The following GCLC variants were observed in gnomAD, a reference collection of about 807,000 sequenced individuals.
GCLC encodes the protein glutamate-cysteine ligase catalytic subunit.
GCLC carries 30 observed loss-of-function variants against 81.5 expected under a neutral mutation model. That is an observed-to-expected ratio of 0.37 (90% CI 0.28 to 0.50). The LOEUF is 0.50. GCLC is among the 20% of genes least tolerant of loss of function. GCLC has a pLI of 0.96. For missense variants in GCLC, 556 were observed against 777.4 expected (o/e 0.72, Z 3.39); for synonymous variants, 262 against 273.3 (o/e 0.96, Z 0.41).
chr6:53,523,759 A>G (rs570637336), intron 1 of GCLC, among the ~76,000 whole-genome samples: 2 of 152,332 alleles, frequency 1.3e-5, no homozygotes, highest in Non-Finnish European at 2.9e-5. Context: ...GGGCTAAGTA[A>G]TATGATTATA....
chr6:53,514,407 T>C, intron 5 of GCLC, 32 bp downstream of exon 5: 1 of 1,598,306 alleles, frequency 6.3e-7, no homozygotes, highest in South Asian at 1.1e-5. Context: ...AACATGTCTC[T>C]CTCCCACCCC....
chr6:53,524,136 A>T (rs1713418147), intron 1 of GCLC, among the ~76,000 whole-genome samples: 1 of 152,244 alleles, frequency 6.6e-6, no homozygotes, highest in African/African-American at 2.4e-5. Flanking sequence ...AAGCATAATG[A>T]GAAAGGATAT....
intron 3 of GCLC, among the ~76,000 whole-genome samples, chr6:53,518,034 C>T (rs900622350): frequency 2.6e-5 from 4 of 152,266 alleles, no homozygotes; most frequent in East Asian, 1.9e-4. Flanking sequence ...TATACTACAA[C>T]AAAACTTTAT....
rs1764621904 is a variant in GCLC at position 53,506,707 on chromosome 6, G to C, written c.1197+206C>G. 1.3e-5 allele frequency: 7 copies of C among 552,214 alleles called. No individual in the cohort carries two copies. In the Admixed American group the frequency reaches 2.2e-4, roughly 18 times the overall value. 34.2% of individuals were successfully genotyped at this position (552,214 alleles called of 1,614,324 possible). A position where few individuals can be genotyped will look rare whatever the true frequency, so the allele number is the denominator to read the frequency against. On this transcript the variant is annotated intron_variant, in intron 10 of 15. Coordinates refer to ENST00000650454, the MANE Select transcript of GCLC (RefSeq NM_001498.4). This position sits in a 1 kb window ranked among gnomAD's most constrained non-coding sequence, Gnocchi z 4.0. ...ATAAACAGTAAGAATCGTAAAATAA[G>C]AGTACTTGAAACCGATTTTTTATTT...
At chr6:53,515,400 T>G (rs1438104802) in intron 4 of GCLC, among the ~76,000 whole-genome samples, 5 of 152,252 alleles carry the variant, frequency 3.3e-5, no homozygotes, top group Admixed American at 3.3e-4. Flanking sequence ...TATTTTCCTT[T>G]AAACACATGA....
Position 53,505,425 on chromosome 6 carries a change from G to T in GCLC, c.1362C>A (p.Ser454=), listed in dbSNP as rs749823587. The change falls in exon 12 of 16, where the codon TCC becomes TCA. Residue 454 remains serine (S), a synonymous_variant. Transcript: ENST00000650454. The part of the protein sequence containing the change: ...FVVLLTRVIL[S]YKLDFLIPLS... ...GTGGAATGAGAAAATCCAATTTGTA[G>T]GAAAGGATCACTCTGGTGAGCAGTA... 6.2e-7 allele frequency: 1 copy of T among 1,600,958 alleles called. No individual in the cohort carries two copies. Among genetic ancestry groups the T allele is most frequent in the East Asian group, 2.2e-5 (1 of 44,778 alleles).
At chr6:53,535,383 G>A (rs1214787181) in intron 1 of GCLC, among the ~76,000 whole-genome samples, 5 of 152,036 alleles carry the variant, frequency 3.3e-5, no homozygotes, top group African/African-American at 7.2e-5. Context: ...GCGTGGTGGC[G>A]CATGCCTGTG....
At chr6:53,509,550 A>C (rs1317758291) in intron 6 of GCLC, 6 of 476,248 alleles carry the variant, frequency 1.3e-5, no homozygotes, top group Non-Finnish European at 2.3e-5. Context: ...GATGTTTAGC[A>C]AAGCATTTTC....
chr6:53,542,834 C>A (rs552276142), intron 1 of GCLC, among the ~76,000 whole-genome samples: 1 of 152,080 alleles, frequency 6.6e-6, no homozygotes, highest in East Asian at 1.9e-4. Flanking sequence ...CATGGTGAAA[C>A]CCTATCTCTA....
At chr6:53,500,024 T>C (rs770854921) in intron 15 of GCLC, 21 bp downstream of exon 15, 1 of 1,542,282 alleles carries the variant, frequency 6.5e-7, no homozygotes, top group South Asian at 1.1e-5. Context: ...ATTATGAGAT[T>C]AAGAAAAATA....
chr6:53,535,365 T>C lies in GCLC; in HGVS notation c.150+9131A>G, dbSNP rs1429998302. Among the ~76,000 whole-genome samples, 4 of 152,104 alleles carry C rather than the reference T, an allele frequency of 2.6e-5. No homozygotes were observed. In the East Asian group the frequency reaches 7.7e-4, roughly 29 times the overall value. On this transcript the variant is annotated intron_variant, in intron 1 of 15. Coordinates refer to ENST00000650454, the MANE Select transcript of GCLC (RefSeq NM_001498.4). ...CCTCACCTCTACTAAAAACACAAAA[T>C]TAGCCAGGCGTGGTGGCGCATGCCT...
Position 53,506,742 on chromosome 6 carries a change from C to T in GCLC, c.1197+171G>A, listed in dbSNP as rs1178920134. 2 of 604,526 alleles carry T rather than the reference C, an allele frequency of 3.3e-6. No individual in the cohort carries two copies. The highest frequency in any genetic ancestry group is 2.1e-5 in the South Asian group (1 of 48,752). 37.4% of individuals were successfully genotyped at this position (604,526 alleles called of 1,614,324 possible). A position where few individuals can be genotyped will look rare whatever the true frequency, so the allele number is the denominator to read the frequency against. ...AACCGATTTTTTATTTGTCCAAGTTCTTTACTGCACTGGGTAAATGAAAGT... is the reference window on the plus strand; with the variant it reads ...AACCGATTTTTTATTTGTCCAAGTTTTTTACTGCACTGGGTAAATGAAAGT... On this transcript the variant is annotated intron_variant, in intron 10 of 15. Coordinates refer to ENST00000650454, the MANE Select transcript of GCLC (RefSeq NM_001498.4). The surrounding 1 kb of genome is among the most constrained non-coding windows in gnomAD (Gnocchi z 4.0).
chr6:53,538,088 G>A (rs1763285559), intron 1 of GCLC, among the ~76,000 whole-genome samples: 1 of 148,184 alleles, frequency 6.7e-6, no homozygotes. Context: ...TTTTAAATAG[G>A]ATCATACACT....
intron 1 of GCLC, among the ~76,000 whole-genome samples, chr6:53,528,044 T>G (rs1354901082): frequency 1.3e-5 from 2 of 152,210 alleles, no homozygotes; most frequent in Non-Finnish European, 2.9e-5. Context: ...ATGACAAATT[T>G]TTTTTTAAAA....
chr6:53,507,206 T>G (rs191154599), intron 9 of GCLC, 181 bp from the exon 10 acceptor site: 2 of 673,798 alleles, frequency 3.0e-6, no homozygotes, highest in East Asian at 5.4e-5. Flanking sequence ...ACTGCGGGAG[T>G]GTCAGCGTTT....
intron 14 of GCLC, 40 bp downstream of exon 14, chr6:53,500,207 T>A (rs1764480817): frequency 1.2e-6 from 2 of 1,613,420 alleles, no homozygotes; most frequent in Non-Finnish European, 1.7e-6. Context: ...TGCCGGGGGA[T>A]GTGCACAGTG....
chr6:53,504,431 G>C (rs962267202), intron 12 of GCLC, among the ~76,000 whole-genome samples: 1 of 152,114 alleles, frequency 6.6e-6, no homozygotes, highest in African/African-American at 2.4e-5. Context: ...GCTGTTAATT[G>C]TTCTCAATTT....
intron 1 of GCLC, among the ~76,000 whole-genome samples, chr6:53,531,778 A>G (rs1319412066): frequency 6.6e-6 from 1 of 152,138 alleles, no homozygotes; most frequent in Non-Finnish European, 1.5e-5. Context: ...AAGGGGTGCT[A>G]CCCACCCTGG....
intron 1 of GCLC, chr6:53,522,888 T>C (rs1763022258): frequency 4.1e-6 from 1 of 244,704 alleles, no homozygotes; most frequent in South Asian, 5.4e-5. Flanking sequence ...ATTTCCTCAG[T>C]TGGCTTACTA....
Sources: allele counts gnomAD v4.1 joint callset (sites outside exome capture counted in the v4.1 genomes callset), GRCh38; gene constraint gnomAD v4.1.1; non-coding constraint Gnocchi (gnomAD v3.1); transcripts MANE v1.5; gene names NCBI Gene and HGNC (gene_info 2026-07-23, HGNC 2026-07-21).